The following MTAP variants were observed in gnomAD, a reference collection of about 807,000 sequenced individuals.
MTAP encodes the protein S-methyl-5'-thioadenosine phosphorylase.
MTAP carries 33 observed loss-of-function variants against 33.6 expected under a neutral mutation model. The ratio of observed to expected loss-of-function variants is 0.98; its 90% confidence interval spans 0.74 to 1.31. MTAP has a LOEUF of 1.31. MTAP is among the 40% of genes most tolerant of loss of function. The probability of loss-of-function intolerance (pLI) is 0.00; values close to 1 mark genes in which losing one functional copy is unlikely to be tolerated. For synonymous variants in MTAP, 148 were observed against 125.7 expected (o/e 1.18, Z -1.19); for missense variants, 367 against 360.0 (o/e 1.02, Z -0.16).
chr9:21,940,994 G>T, downstream of MTAP: 3 of 985,250 alleles, frequency 3.0e-6, no homozygotes, highest in Non-Finnish European at 2.4e-6. Context: ...AAGTGAGTTG[G>T]AGCAAAGACC....
chr9:21,902,291 G>A (rs550145105), intron 1 of MTAP, among the ~76,000 whole-genome samples: 2 of 152,284 alleles, frequency 1.3e-5, no homozygotes, highest in Admixed American at 6.5e-5. Flanking sequence ...CTTGTTTCCT[G>A]TAGCTCATGA....
intron 1 of MTAP, among the ~76,000 whole-genome samples, chr9:21,914,996 TTTCTTTCC>T (rs1563869238): frequency 8.3e-6 from 1 of 119,964 alleles, no homozygotes; most frequent in African/African-American, 4.1e-5. Flanking sequence ...AATACTTTGT[TTTCTTTCC>T]TTCCTTCCTT....
At chr9:21,905,571 T>C (rs1033122517) in intron 1 of MTAP, among the ~76,000 whole-genome samples, 6 of 152,258 alleles carry the variant, frequency 3.9e-5, no homozygotes, top group Non-Finnish European at 8.8e-5. Context: ...TACAGGAGGT[T>C]AGAAATGCTG....
intron 4 of MTAP, among the ~76,000 whole-genome samples, chr9:21,831,606 G>T (rs1252542219): frequency 6.6e-6 from 1 of 152,114 alleles, no homozygotes; most frequent in African/African-American, 2.4e-5. Context: ...GGGATTATAG[G>T]CATGAGCCAC....
At chr9:21,920,117 G>C (rs147483910) in intron 1 of MTAP, among the ~76,000 whole-genome samples, 206 of 152,286 alleles carry the variant, frequency 1.4e-3, no homozygotes, top group African/African-American at 4.8e-3. Flanking sequence ...TAGATTTATA[G>C]ATAAGGAGAC....
At chr9:21,834,090 A>G (rs1327825525) in intron 4 of MTAP, among the ~76,000 whole-genome samples, 1 of 152,184 alleles carries the variant, frequency 6.6e-6, no homozygotes, top group African/African-American at 2.4e-5. Context: ...TTTGAGGCCC[A>G]TCAATATGTC....
In MTAP at chr9:21,851,245, T is replaced by C. The variant is rs145297576; in HGVS notation, c.451-3386T>C. On this transcript the variant is annotated intron_variant, in intron 5 of 7. Coordinates refer to ENST00000644715, the MANE Select transcript of MTAP (RefSeq NM_002451.4). ...TGATAAAGGCAAAGGGAATACAGAATGGGTAGTAGAAGAAGGTAGTCATCG... is the reference window on the plus strand; with the variant it reads ...TGATAAAGGCAAAGGGAATACAGAACGGGTAGTAGAAGAAGGTAGTCATCG... Among the ~76,000 whole-genome samples the C allele has an allele frequency of 3.7e-3, 562 of 152,292 alleles. 4 individuals are homozygous for C. The highest frequency in any genetic ancestry group is 0.013 in the African/African-American group (533 of 41,548).
chr9:21,840,541 G>A (rs1281841542), intron 5 of MTAP, among the ~76,000 whole-genome samples: 4 of 152,200 alleles, frequency 2.6e-5, no homozygotes, highest in Non-Finnish European at 5.9e-5. Flanking sequence ...GGATTTAGGG[G>A]GTTATGTGAA....
intron 1 of MTAP, among the ~76,000 whole-genome samples, chr9:21,809,415 G>A (rs1043674986): frequency 3.3e-5 from 5 of 151,996 alleles, no homozygotes; most frequent in Non-Finnish European, 5.9e-5. Flanking sequence ...TGAGGCGGGC[G>A]GATCACAAGA....
At chr9:21,810,081 A>C (rs1824307554) in intron 1 of MTAP, among the ~76,000 whole-genome samples, 1 of 152,222 alleles carries the variant, frequency 6.6e-6, no homozygotes, top group Admixed American at 6.5e-5. Context: ...TCACTGTATT[A>C]GTTCGCTAGG....
At chr9:21,896,192 A>G (rs1818289713) in intron 1 of MTAP, among the ~76,000 whole-genome samples, 1 of 152,218 alleles carries the variant, frequency 6.6e-6, no homozygotes, top group African/African-American at 2.4e-5. Flanking sequence ...AGGCAGAAAT[A>G]AAGATGTCCT....
At chr9:21,826,311 C>G (rs1050369829) in intron 4 of MTAP, among the ~76,000 whole-genome samples, 1 of 151,600 alleles carries the variant, frequency 6.6e-6, no homozygotes, top group East Asian at 1.9e-4. Context: ...TAAGGGTCCA[C>G]TCATTACACA....
downstream of MTAP, chr9:21,937,690 C>A (rs372233875): frequency 6.6e-6 from 1 of 152,152 alleles, no homozygotes; most frequent in African/African-American, 2.4e-5. Context: ...TTCACAGTGA[C>A]TTTTGATATA....
chr9:21,933,036 G>C (rs535059305), downstream of MTAP: 7 of 152,276 alleles, frequency 4.6e-5, no homozygotes, highest in African/African-American at 1.4e-4. Flanking sequence ...GTATGCTTTA[G>C]TCAAAATCTA....
At chr9:21,938,283 A>G (rs1280517262), downstream of MTAP, among the ~76,000 whole-genome samples, 1 of 151,644 alleles carries the variant, frequency 6.6e-6, no homozygotes, top group Non-Finnish European at 1.5e-5. Context: ...CAAAAAAAAA[A>G]AAAAAAATTA....
chr9:21,809,970 T>C (rs893233455), intron 1 of MTAP, among the ~76,000 whole-genome samples: 4 of 152,238 alleles, frequency 2.6e-5, no homozygotes, highest in Non-Finnish European at 5.9e-5. Context: ...GTCTGCCCTT[T>C]AGACTGATAT....
chr9:21,915,021 TTCCTTC>T lies in MTAP; in HGVS notation c.148-15986_148-15981del, dbSNP rs1266811975. Reference sequence around the variant, plus strand: ...TTTCTTTCCTTCCTTCCTTCCTTCCTTCCTTCCTTCCTTCCTTCCTTCCTTCCTTCC... The same window carrying T: ...TTTCTTTCCTTCCTTCCTTCCTTCCTCTTCCTTCCTTCCTTCCTTCCTTCC... On this transcript the variant is annotated intron_variant, in intron 1 of 1. Coordinates refer to the MTAP transcript ENST00000577563. 1.5e-4 allele frequency among the ~76,000 whole-genome samples: 15 copies of T among 98,988 alleles called. No homozygotes were observed. In the East Asian group the frequency reaches 2.5e-3, roughly 17 times the overall value. 64.9% of individuals were successfully genotyped at this position (98,988 alleles called of 152,430 possible).
intron 2 of MTAP, 71 bp downstream of exon 2, chr9:21,815,590 TAAAA>T: frequency 1.3e-6 from 1 of 757,252 alleles, no homozygotes; most frequent in Non-Finnish European, 2.1e-6. Flanking sequence ...ATTTTTGAAT[TAAAA>T]AAAAAAAAAA....
At chr9:21,905,701 G>C (rs1381038258) in intron 1 of MTAP, among the ~76,000 whole-genome samples, 1 of 152,068 alleles carries the variant, frequency 6.6e-6, no homozygotes, top group Non-Finnish European at 1.5e-5. Context: ...GAAAGAAGGA[G>C]CTTCTGTTAC....
Sources: gnomAD v4.1 joint callset for allele counts (sites outside exome capture counted in the v4.1 genomes callset) on GRCh38, gnomAD v4.1.1 for gene constraint, MANE v1.5 for transcripts, NCBI Gene and HGNC (gene_info 2026-07-23, HGNC 2026-07-21) for gene names.